THBS4: variants seen among roughly 807,000 people sequenced by gnomAD.
The protein encoded by THBS4 is thrombospondin-4.
A neutral mutation model predicts 115.7 loss-of-function variants in THBS4; 90 were observed. That is an observed-to-expected ratio of 0.78 (90% CI 0.66 to 0.93). The LOEUF is 0.93. THBS4 is among the 40% of genes least tolerant of loss of function. The pLI, the probability that THBS4 is intolerant of heterozygous loss-of-function variation, is 0.00. For synonymous variants in THBS4, 460 were observed against 479.3 expected, an observed-to-expected ratio of 0.96 and a Z score of 0.53; for missense variants, 1,087 against 1,232.7, an observed-to-expected ratio of 0.88 and a Z score of 1.77.
chr5:80,070,870 A>T, intron 12 of THBS4, 120 bp downstream of exon 12: 1 of 1,555,874 alleles, frequency 6.4e-7, no homozygotes, highest in Non-Finnish European at 8.8e-7. Context: ...CCTGCATTCC[A>T]CAGCACTGCA....
Position 80,058,746 on chromosome 5 carries a change from T to G in THBS4, c.688T>G (p.Leu230Val). The G allele has an allele frequency of 1.2e-6, 2 of 1,614,100 alleles. No individual in the cohort carries two copies. Among genetic ancestry groups the G allele is most frequent in the South Asian group, 1.1e-5 (1 of 91,070 alleles). ...NRQFLGQMTQLNQLLGEVKDL... is the reference protein window; with the variant it reads ...NRQFLGQMTQVNQLLGEVKDL... Reference sequence around the variant, plus strand: ...GCAGTTCTTGGGTCAAATGACACAATTAAACCAACTCCTGGGAGAGGTGAA... The same window carrying G: ...GCAGTTCTTGGGTCAAATGACACAAGTAAACCAACTCCTGGGAGAGGTGAA... Residue 230 changes from leucine to valine, a missense_variant, in exon 5 of 22, where the codon TTA (leucine) becomes GTA (valine). By Grantham distance (32) the Leu-to-Val change is conservative. Coordinates refer to ENST00000350881, the MANE Select transcript of THBS4 (RefSeq NM_003248.6).
At chr5:80,037,033 G>T (rs560857304) in intron 1 of THBS4, among the ~76,000 whole-genome samples, 2 of 152,330 alleles carry the variant, frequency 1.3e-5, no homozygotes, top group East Asian at 1.9e-4. Context: ...AAATGCTGTA[G>T]TCCGTGCCCC....
chr5:80,030,825 G>C (rs1286767367), upstream of THBS4, among the ~76,000 whole-genome samples: 1 of 152,106 alleles, frequency 6.6e-6, no homozygotes, highest in Non-Finnish European at 1.5e-5. Flanking sequence ...ATCTTTTAAT[G>C]TTAATAATTA....
intron 8 of THBS4, among the ~76,000 whole-genome samples, chr5:80,064,156 A>G (rs555623379): frequency 2.6e-5 from 4 of 152,370 alleles, no homozygotes; most frequent in African/African-American, 7.2e-5. Context: ...GCTTTAATAC[A>G]TGGTTGACAA....
intron 2 of THBS4, among the ~76,000 whole-genome samples, chr5:80,009,429 G>C (rs1832078948): frequency 6.6e-6 from 1 of 152,138 alleles, no homozygotes; most frequent in African/African-American, 2.4e-5. Flanking sequence ...TTATTTTGCT[G>C]TCTAAACCAA....
rs190412037 is a variant in THBS4, at chr5:80,066,895, A to T, written c.1195-1078A>T. Reference sequence around the variant, plus strand: ...CAAGGAAAAAGAGCAGAAGCCAGAAAAAGGAGCGAACTGATAGCACAGCCA... The same window carrying T: ...CAAGGAAAAAGAGCAGAAGCCAGAATAAGGAGCGAACTGATAGCACAGCCA... On this transcript the variant is annotated intron_variant, in intron 9 of 21. Coordinates refer to ENST00000350881, the MANE Select transcript of THBS4 (RefSeq NM_003248.6). 1.2e-4 allele frequency: 18 copies of T among 152,364 alleles called. No homozygotes were observed. The East Asian group carries it at 3.5e-3, about 29-fold the overall frequency. 9.4% of individuals were successfully genotyped at this position (152,364 alleles called of 1,614,324 possible). A position where few individuals can be genotyped will look rare whatever the true frequency, so the allele number is the denominator to read the frequency against.
chr5:80,031,779 A>G (rs1832591654), upstream of THBS4, among the ~76,000 whole-genome samples: 1 of 152,212 alleles, frequency 6.6e-6, no homozygotes, highest in African/African-American at 2.4e-5. Flanking sequence ...CAAGCATGTT[A>G]CGTGGCCAAG....
chr5:80,052,951 C>T (rs17885225), intron 2 of THBS4: 57 of 152,290 alleles, frequency 3.7e-4, no homozygotes, highest in African/African-American at 1.3e-3. Context: ...CACAGATTAA[C>T]AGCAGCACAG....
rs1832695970 is a variant in THBS4, at chr5:80,035,661, CACCGGGT to C, written c.88+37_88+43del. 1 of 1,286,596 alleles carries C rather than the reference CACCGGGT, an allele frequency of 7.8e-7. No homozygotes were observed. Among genetic ancestry groups the C allele is most frequent in the African/African-American group, 1.5e-5 (1 of 64,790 alleles). 79.7% of individuals were successfully genotyped at this position (1,286,596 alleles called of 1,614,324 possible). A position where few individuals can be genotyped will look rare whatever the true frequency, so the allele number is the denominator to read the frequency against. ...TCGGGTCGGGCCTGGGAGCGCCGGG[CACCGGGT>C]GCCCCATCTGCTGAGTGAGTGGAGG... is the stretch of plus-strand genomic sequence containing the variant. On this transcript the variant is annotated intron_variant, in intron 1 of 21. Coordinates refer to ENST00000350881, the MANE Select transcript of THBS4 (RefSeq NM_003248.6). This position sits in a 1 kb window ranked among gnomAD's most constrained non-coding sequence, Gnocchi z 4.6.
intron 2 of THBS4, among the ~76,000 whole-genome samples, chr5:80,021,609 G>A (rs1323193219): frequency 6.6e-6 from 1 of 151,950 alleles, no homozygotes; most frequent in Admixed American, 6.6e-5. Flanking sequence ...CAGACTCAAG[G>A]GATCTTTGCA....
intron 2 of THBS4, among the ~76,000 whole-genome samples, chr5:80,029,570 A>G (rs2112002243): frequency 6.6e-6 from 1 of 152,308 alleles, no homozygotes; most frequent in East Asian, 1.9e-4. Flanking sequence ...AGACCCTTAG[A>G]TTGAAAATGA....
At chr5:80,006,521 T>C (rs543475048) in intron 2 of THBS4, among the ~76,000 whole-genome samples, 4 of 152,218 alleles carry the variant, frequency 2.6e-5, no homozygotes, top group Non-Finnish European at 2.9e-5. Flanking sequence ...GTTTTGTAAA[T>C]TGCCCATCAG....
chr5:80,055,068 T>C (rs1353058706), intron 2 of THBS4, among the ~76,000 whole-genome samples: 3 of 151,846 alleles, frequency 2.0e-5, no homozygotes, highest in Admixed American at 6.6e-5. Flanking sequence ...ACACCTGTAA[T>C]CCCAGCACTT....
chr5:80,003,772 T>A (rs1304983636), intron 2 of THBS4, among the ~76,000 whole-genome samples: 1 of 152,236 alleles, frequency 6.6e-6, no homozygotes, highest in African/African-American at 2.4e-5. Flanking sequence ...CCTTCTTATG[T>A]TACTGTATAA....
intron 2 of THBS4, among the ~76,000 whole-genome samples, chr5:80,029,542 A>C (rs184382141): frequency 6.6e-6 from 1 of 152,222 alleles, no homozygotes; most frequent in Admixed American, 6.5e-5. Flanking sequence ...AAAGAGGTTA[A>C]TGATAATTTT....
At position 80,073,301 on chromosome 5, in the gene THBS4, G is replaced by A. The variant is rs1395837095; in HGVS notation, c.1866G>A (p.Gly622=). The change falls in exon 15 of 22, where the codon GGG becomes GGA. Residue 622 remains glycine (G), a synonymous_variant. Transcript: ENST00000350881. Reference sequence around the variant, plus strand: ...CTGATGTGGATAATGATCTGGTTGGGGACTCCTGTGACACCAATCAGGACA... The same window carrying A: ...CTGATGTGGATAATGATCTGGTTGGAGACTCCTGTGACACCAATCAGGACA... ...NQSDVDNDLV[G]DSCDTNQDSD... is the part of the protein sequence containing the mutation. The A allele has an allele frequency of 1.2e-6, 2 of 1,613,806 alleles. No homozygotes were observed. Among genetic ancestry groups the A allele is most frequent in the East Asian group, 2.2e-5 (1 of 44,894 alleles).
chr5:80,082,124 C>G, intron 20 of THBS4: 1 of 362,694 alleles, frequency 2.8e-6, no homozygotes, highest in Non-Finnish European at 4.9e-6. Flanking sequence ...ATAGTGTGAC[C>G]AACATCATGT....
At chr5:80,023,301 T>C (rs1832414442) in intron 2 of THBS4, among the ~76,000 whole-genome samples, 1 of 152,224 alleles carries the variant, frequency 6.6e-6, no homozygotes, top group Non-Finnish European at 1.5e-5. Flanking sequence ...ATGTGAGATA[T>C]ATCGTATCTC....
chr5:79,999,134 GA>G (rs779429227), intron 2 of THBS4, among the ~76,000 whole-genome samples: 6 of 151,498 alleles, frequency 4.0e-5, no homozygotes, highest in Non-Finnish European at 7.4e-5. Context: ...TTTTCTTTAA[GA>G]AAAAAAAGCA....
Sources: allele counts gnomAD v4.1 joint callset (sites outside exome capture counted in the v4.1 genomes callset), GRCh38; gene constraint gnomAD v4.1.1; non-coding constraint Gnocchi (gnomAD v3.1); transcripts MANE v1.5; gene names NCBI Gene and HGNC (gene_info 2026-07-23, HGNC 2026-07-21).